ATF7IP2: variants seen among roughly 807,000 people sequenced by gnomAD.
The protein encoded by ATF7IP2 is activating transcription factor 7 interacting protein 2, also known as activating transcription factor 7-interacting protein 2.
A neutral mutation model predicts 64.2 loss-of-function variants in ATF7IP2; 42 were observed. The observed-to-expected ratio is 0.65, with a 90% CI of 0.51 to 0.85. The LOEUF is 0.85. Ranked by LOEUF, ATF7IP2 falls within the 40% of genes least tolerant of loss-of-function variation. The pLI, the probability that ATF7IP2 is intolerant of heterozygous loss-of-function variation, is 0.00. For synonymous variants in ATF7IP2, 308 were observed against 272.8 expected (o/e 1.13, Z -1.27); for missense variants, 933 against 784.2 (o/e 1.19, Z -2.27).
chr16:10,456,278 C>T lies in ATF7IP2; in HGVS notation c.1195-1094C>T, dbSNP rs180994473. Among the ~76,000 whole-genome samples, 386 of 152,262 alleles carry T rather than the reference C, an allele frequency of 2.5e-3. 3 individuals are homozygous for T. Among genetic ancestry groups the T allele is most frequent in the African/African-American group, 8.8e-3 (367 of 41,560 alleles). On this transcript the variant is annotated intron_variant, in intron 8 of 13. Transcript: ENST00000562102. ...CTTAATGATTTAGGCAATTCTCAGC[C>T]TGACCAGATTGCAGAAGACTCTAAG...
At chr16:10,396,453 G>T (rs564203146) in intron 1 of ATF7IP2, among the ~76,000 whole-genome samples, 1 of 152,022 alleles carries the variant, frequency 6.6e-6, no homozygotes. Context: ...AAAGGTCATC[G>T]TGCAGACCAA....
chr16:10,432,735 G>T (rs1272190503), intron 5 of ATF7IP2, among the ~76,000 whole-genome samples: 1 of 152,170 alleles, frequency 6.6e-6, no homozygotes. Flanking sequence ...AGCCAGGCGT[G>T]GTGGTGGGCA....
chr16:10,471,977 C>G, intron 9 of ATF7IP2, 133 bp from the exon 10 acceptor site: 1 of 444,762 alleles, frequency 2.2e-6, no homozygotes, highest in Admixed American at 4.1e-5. Flanking sequence ...TTTATCATTT[C>G]TATTTCCCCC....
Position 10,431,352 on chromosome 16 carries a change from T to A in ATF7IP2, c.732T>A (p.Cys244Ter). The change falls in exon 5 of 14, where the codon TGT becomes TGA. Residue 244 changes from cysteine to a stop codon, truncating the protein, a stop_gained. Coordinates refer to ENST00000562102, the MANE Select transcript of ATF7IP2 (RefSeq NM_001393719.1). LOFTEE classifies it high-confidence loss of function. ...NLVNSVTSNN[C>*]ADDILKTDEC... ...TGAATTCAGTCACTTCTAACAACTG[T>A]GCTGATGACATTTTGAAAACTGATG... The A allele has an allele frequency of 6.2e-7, 1 of 1,614,190 alleles. No individual in the cohort carries two copies. Among genetic ancestry groups the A allele is most frequent in the African/African-American group, 1.3e-5 (1 of 75,060 alleles).
At chr16:10,421,128 T>A (rs1215076994) in intron 3 of ATF7IP2, among the ~76,000 whole-genome samples, 1 of 152,190 alleles carries the variant, frequency 6.6e-6, no homozygotes, top group Non-Finnish European at 1.5e-5. Flanking sequence ...CAGGATCATA[T>A]CCATGTAATT....
chr16:10,391,180 G>C (rs2047314837), intron 1 of ATF7IP2, among the ~76,000 whole-genome samples: 1 of 149,700 alleles, frequency 6.7e-6, no homozygotes, highest in African/African-American at 2.5e-5. Context: ...AATGTGCTGG[G>C]CGTGGGGGCT....
chr16:10,398,467 T>C (rs895815791), intron 1 of ATF7IP2, among the ~76,000 whole-genome samples: 5 of 152,214 alleles, frequency 3.3e-5, no homozygotes, highest in African/African-American at 1.2e-4. Context: ...ATTGGATATA[T>C]ATCTAAAGGA....
intron 9 of ATF7IP2, among the ~76,000 whole-genome samples, chr16:10,459,132 G>A (rs938167079): frequency 6.6e-6 from 1 of 151,786 alleles, no homozygotes; most frequent in Admixed American, 6.6e-5. Context: ...TCGGGAGTTC[G>A]AGACTAGCCT....
rs1008363837 is a variant in ATF7IP2, at chr16:10,423,840, G to A, written c.-160+4217G>A. Among the ~76,000 whole-genome samples, 4 of 152,258 alleles carry A rather than the reference G, an allele frequency of 2.6e-5. No homozygotes were observed. In the East Asian group the frequency reaches 7.7e-4, roughly 29 times the overall value. ...CCCATTGTTACCCTGATGCTTCCGA[G>A]CTCCCCTTCTTACCACAGGGATTGC... On this transcript the variant is annotated intron_variant, in intron 3 of 13. Coordinates refer to ENST00000562102, the MANE Select transcript of ATF7IP2 (RefSeq NM_001393719.1).
At chr16:10,403,493 C>T (rs1254740545) in intron 1 of ATF7IP2, among the ~76,000 whole-genome samples, 1 of 152,042 alleles carries the variant, frequency 6.6e-6, no homozygotes, top group African/African-American at 2.4e-5. Flanking sequence ...TTAATAATAG[C>T]AAGAAGCAGA....
intron 1 of ATF7IP2, among the ~76,000 whole-genome samples, chr16:10,404,992 C>G (rs766474916): frequency 2.6e-5 from 4 of 152,150 alleles, no homozygotes; most frequent in Non-Finnish European, 4.4e-5. Context: ...CTTATAGAAG[C>G]AAATGGTGAG....
chr16:10,413,251 A>AGC (rs1555505808), intron 1 of ATF7IP2, among the ~76,000 whole-genome samples: 1 of 152,072 alleles, frequency 6.6e-6, no homozygotes, highest in Non-Finnish European at 1.5e-5. Context: ...GGAGGGACCC[A>AGC]GGGGGAGGTA....
At chr16:10,417,228 A>G (rs1467258144) in intron 2 of ATF7IP2, among the ~76,000 whole-genome samples, 1 of 152,168 alleles carries the variant, frequency 6.6e-6, no homozygotes, top group Non-Finnish European at 1.5e-5. Context: ...AACCTCTCAT[A>G]TTAATATTAA....
At chr16:10,406,699 A>G (rs887446350) in intron 1 of ATF7IP2, among the ~76,000 whole-genome samples, 3 of 152,216 alleles carry the variant, frequency 2.0e-5, no homozygotes, top group Admixed American at 6.6e-5. Context: ...TACAACCTAC[A>G]AAGATTGAAC....
chr16:10,414,141 C>T (rs373976363), intron 1 of ATF7IP2, among the ~76,000 whole-genome samples: 203 of 152,158 alleles, frequency 1.3e-3, no homozygotes, highest in African/African-American at 4.6e-3. Flanking sequence ...TAACAAGGCC[C>T]GGGAAGTTTT....
rs149986479 is a variant in ATF7IP2 at position 10,417,177 on chromosome 16, A to G, written c.-202-2404A>G. Reference sequence around the variant, plus strand: ...GACGAGGAAAACAAGGAAAGAATTTATACAACAACTAGGTAATAATCGATA... The same window carrying G: ...GACGAGGAAAACAAGGAAAGAATTTGTACAACAACTAGGTAATAATCGATA... On this transcript the variant is annotated intron_variant, in intron 2 of 13. Coordinates refer to ENST00000562102, the MANE Select transcript of ATF7IP2 (RefSeq NM_001393719.1). 4.3e-3 allele frequency among the ~76,000 whole-genome samples: 657 copies of G among 152,340 alleles called. 3 individuals are homozygous for G. Among genetic ancestry groups the G allele is most frequent in the Admixed American group, 5.1e-3 (78 of 15,308 alleles).
chr16:10,433,728 G>A lies in ATF7IP2; in HGVS notation c.960+79G>A, dbSNP rs1221293184. On this transcript the variant is annotated intron_variant, in intron 6 of 13. Transcript: ENST00000562102. The stretch of plus-strand genomic sequence containing the variant: ...AAAAGTTAATTATCTGGTCCCCACA[G>A]TGGCATAATACAGACGACTTTCACT... The A allele has an allele frequency of 2.0e-6, 3 of 1,496,584 alleles. No individual in the cohort carries two copies. The African/African-American group carries it at 4.2e-5, about 21-fold the overall frequency. 92.7% of individuals were successfully genotyped at this position (1,496,584 alleles called of 1,614,324 possible).
At chr16:10,419,029 G>A (rs1312180712) in intron 2 of ATF7IP2, among the ~76,000 whole-genome samples, 1 of 152,206 alleles carries the variant, frequency 6.6e-6, no homozygotes, top group Non-Finnish European at 1.5e-5. Flanking sequence ...GGGAATCGTT[G>A]CGCAGCACCT....
chr16:10,433,015 A>G (rs2048308545), intron 5 of ATF7IP2, among the ~76,000 whole-genome samples: 1 of 152,214 alleles, frequency 6.6e-6, no homozygotes, highest in African/African-American at 2.4e-5. Flanking sequence ...TTAAAGGGAC[A>G]GAGTATCTGA....
Sources: gnomAD v4.1 joint callset for allele counts (sites outside exome capture counted in the v4.1 genomes callset) on GRCh38, gnomAD v4.1.1 for gene constraint, MANE v1.5 for transcripts, NCBI Gene and HGNC (gene_info 2026-07-23, HGNC 2026-07-21) for gene names.